Variants in ATP8B2 observed in about 807,000 individuals in gnomAD.
The protein encoded by ATP8B2 is phospholipid-transporting ATPase ID.
A neutral mutation model predicts 133.4 loss-of-function variants in ATP8B2; 70 were observed. The ratio of observed to expected loss-of-function variants is 0.52; its 90% CI spans 0.43 to 0.64. The LOEUF (loss-of-function observed/expected upper bound fraction) is 0.64, where lower values mean the gene tolerates loss of function less well. Among genes scored for constraint, ATP8B2 ranks in the 30% least tolerant of loss-of-function variants. The pLI, the probability that ATP8B2 is intolerant of heterozygous loss-of-function variation, is 0.00. For synonymous variants in ATP8B2, 517 were observed against 589.5 expected, an observed-to-expected ratio of 0.88 and a Z score of 1.78; for missense variants, 1,101 against 1,535.7, an observed-to-expected ratio of 0.72 and a Z score of 4.73.
chr1:154,331,033 C>CT lies in ATP8B2; in HGVS notation c.205-12dup, dbSNP rs1685971214. On this transcript the variant is annotated splice_polypyrimidine_tract_variant and intron_variant, in intron 4 of 27. Coordinates refer to ENST00000368489, the MANE Select transcript of ATP8B2 (RefSeq NM_001370597.1). The surrounding 1 kb of genome is among the most constrained non-coding windows in gnomAD (Gnocchi z 4.8). The stretch of plus-strand genomic sequence containing the variant: ...GATGGGGCCTCAGAGGCATACTTCT[C>CT]TTTCTTTTTTTCAGTTGATCCCCCA... 6 of 1,611,848 alleles carry CT rather than the reference C, an allele frequency of 3.7e-6. No homozygotes were observed. The highest frequency in any genetic ancestry group is 5.1e-6 in the Non-Finnish European group (6 of 1,178,088).
In ATP8B2 at chr1:154,331,132, G is replaced by A; in HGVS notation, c.289G>A (p.Ala97Thr). 1 of 1,613,546 alleles carries A rather than the reference G, an allele frequency of 6.2e-7. No homozygotes were observed. The highest frequency in any genetic ancestry group is 8.5e-7 in the Non-Finnish European group (1 of 1,179,548). ...LVLTITAVKD[A>T]TDDYFRHKSD... ...CCTCACCATCACAGCTGTTAAAGAT[G>A]CCACTGATGACTATGTGAGTGGTTT... The change falls in exon 5 of 28, where the codon GCC (alanine) becomes ACC (threonine). Residue 97 changes from alanine (A) to threonine (T), a missense_variant. Transcript: ENST00000368489. The surrounding 1 kb of genome is among the most constrained non-coding windows in gnomAD (Gnocchi z 4.8).
In ATP8B2 at chr1:154,326,448, G is replaced by A. The variant is rs74115739; in HGVS notation, c.-38+746G>A. 8.1e-3 allele frequency among the ~76,000 whole-genome samples: 1,228 copies of A among 152,304 alleles called. 17 individuals carry two copies. Among genetic ancestry groups the A allele is most frequent in the African/African-American group, 0.026 (1,069 of 41,560 alleles). ...ATTTTTATCCCAAATGTGGCCGAGA[G>A]GGGGCTGGGGCTGGGTGACGGGGCA... is the stretch of plus-strand genomic sequence containing the variant. On this transcript the variant is annotated intron_variant, in intron 1 of 27. Coordinates refer to ENST00000368489, the MANE Select transcript of ATP8B2 (RefSeq NM_001370597.1).
chr1:154,332,828 G>A, intron 9 of ATP8B2, 131 bp downstream of exon 9: 1 of 692,736 alleles, frequency 1.4e-6, no homozygotes. Context: ...TTTTGGGGAG[G>A]GGAGTGTTTG....
rs896472631 is a variant in ATP8B2 at position 154,328,715 on chromosome 1, G to A, written c.31+543G>A. ...GGGGAGCGGGCGGGGGCGGAACCCTGGGCGTGCTCGGCGTGTCCGGGGCCA... is the reference window on the plus strand; with the variant it reads ...GGGGAGCGGGCGGGGGCGGAACCCTAGGCGTGCTCGGCGTGTCCGGGGCCA... On this transcript the variant is annotated intron_variant, in intron 2 of 27. Transcript: ENST00000368489. This position sits in a 1 kb window ranked among gnomAD's most constrained non-coding sequence, Gnocchi z 4.6. 43 of 867,662 alleles carry A rather than the reference G, an allele frequency of 5.0e-5. No homozygotes were observed. In the African/African-American group the frequency reaches 7.6e-4, roughly 15 times the overall value. 53.7% of individuals were successfully genotyped at this position (867,662 alleles called of 1,614,324 possible).
Position 154,346,393 on chromosome 1 carries a change from C to T in ATP8B2, c.2941C>T (p.Arg981Trp), listed in dbSNP as rs764536775. Reference sequence around the variant, plus strand: ...CTATGGGGTGTTTGCTGATGCCACCCGGGATGATGGCACTCAGCTGGCTGA... The same window carrying T: ...CTATGGGGTGTTTGCTGATGCCACCTGGGATGATGGCACTCAGCTGGCTGA... ...IPYGVFADATRDDGTQLADYQ... is the reference protein window; with the variant it reads ...IPYGVFADATWDDGTQLADYQ... Residue 981 changes from arginine (R) to tryptophan (W), a missense_variant, in exon 25 of 28, where the codon CGG (arginine) becomes TGG (tryptophan). By Grantham distance (101) the Arg-to-Trp change is moderately radical. Transcript: ENST00000368489. The surrounding 1 kb of genome is among the most constrained non-coding windows in gnomAD (Gnocchi z 4.5). The T allele has an allele frequency of 1.3e-5, 21 of 1,614,062 alleles. No individual in the cohort carries two copies. Among genetic ancestry groups the T allele is most frequent in the African/African-American group, 2.7e-5 (2 of 74,904 alleles).
intron 2 of ATP8B2, chr1:154,329,010 C>T (rs1685891611): frequency 7.7e-7 from 1 of 1,304,068 alleles, no homozygotes; most frequent in Non-Finnish European, 1.0e-6. Context: ...AAGGAGATGC[C>T]CGAGAAGTGG....
intron 3 of ATP8B2, 101 bp from the exon 4 acceptor site, chr1:154,330,714 G>T: frequency 9.8e-7 from 1 of 1,016,692 alleles, no homozygotes; most frequent in East Asian, 2.4e-5. Context: ...CTAGCTTTTG[G>T]GGTAGAGGTC....
chr1:154,332,964 C>G (rs1160717442), intron 9 of ATP8B2, among the ~76,000 whole-genome samples: 1 of 152,102 alleles, frequency 6.6e-6, no homozygotes, highest in Non-Finnish European at 1.5e-5. Context: ...CTTATTAGCT[C>G]AGAATAATAA....
chr1:154,343,795 C>G lies in ATP8B2; in HGVS notation c.1759-98C>G. On this transcript the variant is annotated intron_variant, in intron 17 of 27. Coordinates refer to ENST00000368489, the MANE Select transcript of ATP8B2 (RefSeq NM_001370597.1). The surrounding 1 kb of genome is among the most constrained non-coding windows in gnomAD (Gnocchi z 5.8). ...CAGTCCCTAACTGTGGAATGTGGCA[C>G]ACACCCAGTCTACAGTGCAGGATTA... 1 of 1,394,694 alleles carries G rather than the reference C, an allele frequency of 7.2e-7. No homozygotes were observed. Among genetic ancestry groups the G allele is most frequent in the Non-Finnish European group, 9.8e-7 (1 of 1,025,486 alleles). 86.4% of individuals were successfully genotyped at this position (1,394,694 alleles called of 1,614,324 possible). A position where few individuals can be genotyped will look rare whatever the true frequency, so the allele number is the denominator to read the frequency against.
chr1:154,327,765 C>A, intron 1 of ATP8B2: 1 of 1,598,274 alleles, frequency 6.3e-7, no homozygotes, highest in Non-Finnish European at 8.6e-7. Context: ...TACTCATTGC[C>A]GCCAGAACAC....
chr1:154,332,827 G>A, intron 9 of ATP8B2, 130 bp downstream of exon 9: 1 of 698,012 alleles, frequency 1.4e-6, no homozygotes, highest in Non-Finnish European at 2.4e-6. Context: ...GTTTTGGGGA[G>A]GGGAGTGTTT....
Position 154,334,690 on chromosome 1 carries a change from T to G in ATP8B2, c.837+99T>G. On this transcript the variant is annotated intron_variant, in intron 11 of 27. Coordinates refer to ENST00000368489, the MANE Select transcript of ATP8B2 (RefSeq NM_001370597.1). This position sits in a 1 kb window ranked among gnomAD's most constrained non-coding sequence, Gnocchi z 4.6. ...CTTCTTTGGTCAGTAGACTTCAGGTTTGGCTTTAAAGCTGCTAGCAGGTCA... is the reference window on the plus strand; with the variant it reads ...CTTCTTTGGTCAGTAGACTTCAGGTGTGGCTTTAAAGCTGCTAGCAGGTCA... The G allele has an allele frequency of 9.3e-7, 1 of 1,071,592 alleles. No homozygotes were observed. Among genetic ancestry groups the G allele is most frequent in the Non-Finnish European group, 1.4e-6 (1 of 730,116 alleles). 66.4% of individuals were successfully genotyped at this position (1,071,592 alleles called of 1,614,324 possible).
chr1:154,344,322 G>A lies in ATP8B2; in HGVS notation c.2035+68G>A. ...CCCTGTTGGACCCTTGCATGGAGCC[G>A]AGGACATCAGGCAGGCAAGTGTGCT... On this transcript the variant is annotated intron_variant, in intron 19 of 27. Transcript: ENST00000368489. This position sits in a 1 kb window ranked among gnomAD's most constrained non-coding sequence, Gnocchi z 4.1. 1.2e-5 allele frequency: 19 copies of A among 1,614,088 alleles called. No individual in the cohort carries two copies. The highest frequency in any genetic ancestry group is 3.3e-5 in the South Asian group (3 of 91,080).
Position 154,345,444 on chromosome 1 carries a change from T to C in ATP8B2, c.2593T>C (p.Tyr865His). 1.2e-6 allele frequency: 2 copies of C among 1,614,240 alleles called. No individual in the cohort carries two copies. The highest frequency in any genetic ancestry group is 1.7e-6 in the Non-Finnish European group (2 of 1,180,040). ...CCTGCTGGTGCATGGGCGCTGGTCC[T>C]ACCTGCGAATGTGCAAGTTTCTTTG... ...RLLLVHGRWS[Y>H]LRMCKFLCYF... Residue 865 changes from tyrosine to histidine, a missense_variant, in exon 23 of 28, where the codon TAC becomes CAC. Physicochemically the swap from Tyr to His is moderately conservative, Grantham distance 83 (BLOSUM62 2). Transcript: ENST00000368489. This position sits in a 1 kb window ranked among gnomAD's most constrained non-coding sequence, Gnocchi z 5.6.
At chr1:154,330,747 A>G in intron 3 of ATP8B2, 68 bp from the exon 4 acceptor site, 1 of 1,322,120 alleles carries the variant, frequency 7.6e-7, no homozygotes, top group Non-Finnish European at 1.1e-6. Flanking sequence ...AAGATGGGGG[A>G]GGCAGCCTCA....
In ATP8B2 at chr1:154,344,525, G is replaced by A. The variant is rs764379983; in HGVS notation, c.2141+25G>A. On this transcript the variant is annotated intron_variant, in intron 20 of 27. Coordinates refer to ENST00000368489, the MANE Select transcript of ATP8B2 (RefSeq NM_001370597.1). The surrounding 1 kb of genome is among the most constrained non-coding windows in gnomAD (Gnocchi z 4.1). ...GGTAAACAAGAAGCCCAGGGGAGGCGGTGCTGTGCGTTGTGCCCAGGGCTC... is the reference window on the plus strand; with the variant it reads ...GGTAAACAAGAAGCCCAGGGGAGGCAGTGCTGTGCGTTGTGCCCAGGGCTC... The A allele has an allele frequency of 2.7e-5, 43 of 1,614,042 alleles. No individual in the cohort carries two copies. The highest frequency in any genetic ancestry group is 3.3e-5 in the Non-Finnish European group (39 of 1,179,992).
Position 154,326,826 on chromosome 1 carries a change from T to G in ATP8B2, c.-38+1124T>G, listed in dbSNP as rs147088159. Among the ~76,000 whole-genome samples, 183 of 152,324 alleles carry G rather than the reference T, an allele frequency of 1.2e-3. 2 individuals carry two copies. Among genetic ancestry groups the G allele is most frequent in the African/African-American group, 3.8e-3 (160 of 41,576 alleles). ...CTGTAGAACTTGTGATGCCCACTCT[T>G]GCATCCTTTAACCTCTCCCTGTGCT... On this transcript the variant is annotated intron_variant, in intron 1 of 27. Transcript: ENST00000368489.
intron 8 of ATP8B2, among the ~76,000 whole-genome samples, chr1:154,332,415 G>GT (rs2149162094): frequency 6.6e-6 from 1 of 152,320 alleles, no homozygotes; most frequent in East Asian, 1.9e-4. Context: ...ACTTAGCTGG[G>GT]TATGGTGGTT....
rs1686533568 is a variant in ATP8B2 at position 154,345,015 on chromosome 1, A to G, written c.2331A>G (p.Thr777=). 6.2e-7 allele frequency: 1 copy of G among 1,614,040 alleles called. No individual in the cohort carries two copies. Among genetic ancestry groups the G allele is most frequent in the South Asian group, 1.1e-5 (1 of 91,084 alleles). Residue 777 remains threonine, a synonymous_variant, in exon 22 of 28, where the codon ACA becomes ACG. Transcript: ENST00000368489. This position sits in a 1 kb window ranked among gnomAD's most constrained non-coding sequence, Gnocchi z 5.6. ...EADMELEFLE[T]ACACKAVICC... The stretch of plus-strand genomic sequence containing the variant: ...ACATGGAGCTGGAGTTTCTGGAGAC[A>G]GCGTGTGCCTGCAAAGCTGTCATCT...
Sources: gnomAD v4.1 joint callset for allele counts (sites outside exome capture counted in the v4.1 genomes callset) on GRCh38, gnomAD v4.1.1 for gene constraint, Gnocchi (gnomAD v3.1) non-coding constraint, MANE v1.5 for transcripts, NCBI Gene and HGNC (gene_info 2026-07-23, HGNC 2026-07-21) for gene names.